Variants in ABTB2 observed in about 807,000 individuals in gnomAD.
The protein encoded by ABTB2 is ankyrin repeat and BTB/POZ domain-containing protein 2.
A neutral mutation model predicts 104.1 loss-of-function variants in ABTB2; 56 were observed. The observed-to-expected ratio is 0.54, with a 90% CI of 0.43 to 0.67. The LOEUF (loss-of-function observed/expected upper bound fraction) is 0.67, where lower values mean the gene tolerates loss of function less well. Among genes scored for constraint, ABTB2 ranks in the 30% least tolerant of loss-of-function variants. The pLI is 0.00. For missense variants in ABTB2, 1,279 were observed against 1,407.7 expected, an observed-to-expected ratio of 0.91 and a Z score of 1.46; for synonymous variants, 606 against 608.2, an observed-to-expected ratio of 1.00 and a Z score of 0.05.
chr11:34,232,435 G>C (rs1312220430), intron 1 of ABTB2, among the ~76,000 whole-genome samples: 2 of 132,644 alleles, frequency 1.5e-5, no homozygotes, highest in East Asian at 4.2e-4. Context: ...GGGCAATAGA[G>C]GGAGACTCTG....
Position 34,356,946 on chromosome 11 carries a change from C to T in ABTB2, c.638G>A (p.Trp213Ter). ...CACGGAGATTCGGGTGTCCACCATC[C>T]AGCGGAAAAAGCGACCCACTGAGAA... ...LTFSVGRFFR[W>*]MVDTRISVRI... Residue 213 changes from tryptophan (W) to a stop codon, truncating the protein, a stop_gained, in exon 1 of 17, where the codon TGG (tryptophan) becomes TAG (stop). Transcript: ENST00000435224. LOFTEE classifies it high-confidence loss of function. The surrounding 1 kb of genome is among the most constrained non-coding windows in gnomAD (Gnocchi z 4.6). The T allele has an allele frequency of 2.5e-6, 4 of 1,600,700 alleles. No homozygotes were observed. Among genetic ancestry groups the T allele is most frequent in the Middle Eastern group, 1.7e-4 (1 of 6,052 alleles).
chr11:34,193,112 G>T (rs1853202077), intron 3 of ABTB2, among the ~76,000 whole-genome samples: 1 of 152,210 alleles, frequency 6.6e-6, no homozygotes, highest in African/African-American at 2.4e-5. Context: ...CCAGATGGTT[G>T]TCCTTTCTCC....
rs528922905 is a variant in ABTB2 at position 34,151,803 on chromosome 11, A to AG, written c.*583dup. 4.9e-3 allele frequency: 748 copies of AG among 152,438 alleles called. 3 individuals carry two copies. Among genetic ancestry groups the AG allele is most frequent in the African/African-American group, 0.014 (562 of 41,330 alleles). 9.4% of individuals were successfully genotyped at this position (152,438 alleles called of 1,614,324 possible). A position where few individuals can be genotyped will look rare whatever the true frequency, so the allele number is the denominator to read the frequency against. On this transcript the variant is annotated 3_prime_UTR_variant, in exon 17 of 17. Coordinates refer to ENST00000435224, the MANE Select transcript of ABTB2 (RefSeq NM_145804.3). Reference sequence around the variant, plus strand: ...TCCGGGTGGCAGCAGTCGTGGTGGCAGGGGGGGGTCCACAGGCCACTGGAT... The same window carrying AG: ...TCCGGGTGGCAGCAGTCGTGGTGGCAGGGGGGGGGTCCACAGGCCACTGGAT...
chr11:34,333,802 G>T (rs1855159305), intron 1 of ABTB2, among the ~76,000 whole-genome samples: 1 of 152,028 alleles, frequency 6.6e-6, no homozygotes, highest in African/African-American at 2.4e-5. Flanking sequence ...AATGCCTCCA[G>T]CTCAAATCAC....
chr11:34,169,148 T>C lies in ABTB2; in HGVS notation c.1564-1156A>G, dbSNP rs183433536. ...AAAATTTGGCTTTGTTTCATCTCCCTGCGGACAGACTTGACTTACTTTTTT... is the reference window on the plus strand; with the variant it reads ...AAAATTTGGCTTTGTTTCATCTCCCCGCGGACAGACTTGACTTACTTTTTT... On this transcript the variant is annotated intron_variant, in intron 5 of 16. Coordinates refer to ENST00000435224, the MANE Select transcript of ABTB2 (RefSeq NM_145804.3). Among the ~76,000 whole-genome samples, 265 of 152,326 alleles carry C rather than the reference T, an allele frequency of 1.7e-3. 2 individuals are homozygous for C. The highest frequency in any genetic ancestry group is 6.8e-3 in the Middle Eastern group (2 of 294).
chr11:34,161,221 C>CAGGAAGGGGGCAGG, intron 10 of ABTB2, 140 bp from the exon 11 acceptor site: 2 of 825,250 alleles, frequency 2.4e-6, no homozygotes, highest in Non-Finnish European at 3.6e-6. Context: ...CCCGCCTGCC[C>CAGGAAGGGGGCAGG]CCTTCCTGGG....
chr11:34,269,206 C>T lies in ABTB2; in HGVS notation c.884-64516G>A, dbSNP rs1403966439. On this transcript the variant is annotated intron_variant, in intron 1 of 16. Transcript: ENST00000435224. Reference sequence around the variant, plus strand: ...GTTGCTAAAAGGGGGATTGGTTTTACAAACGAATGCTGTGGTTTTCATCGG... The same window carrying T: ...GTTGCTAAAAGGGGGATTGGTTTTATAAACGAATGCTGTGGTTTTCATCGG... 2.0e-5 allele frequency among the ~76,000 whole-genome samples: 3 copies of T among 152,300 alleles called. No individual in the cohort carries two copies. The East Asian group carries it at 5.8e-4, about 29-fold the overall frequency.
Position 34,165,291 on chromosome 11 carries a change from C to T in ABTB2, c.1821G>A (p.Ala607=), listed in dbSNP as rs1313520864. ...CAGAGGCCAGCTGCAGGGGCGTCTC[C>T]GCATAGCTGTCCTCGCCGCCGTTCA... ...SAVNGGEDSY[A]ETPLQLASAA... The change falls in exon 8 of 17, where the codon GCG becomes GCA. Residue 607 remains alanine (A), a synonymous_variant. Coordinates refer to ENST00000435224, the MANE Select transcript of ABTB2 (RefSeq NM_145804.3). 5.1e-6 allele frequency: 8 copies of T among 1,567,168 alleles called. No homozygotes were observed. The highest frequency in any genetic ancestry group is 2.3e-5 in the South Asian group (2 of 85,132).
At chr11:34,300,738 G>A (rs1854694712) in intron 1 of ABTB2, among the ~76,000 whole-genome samples, 2 of 152,182 alleles carry the variant, frequency 1.3e-5, no homozygotes, top group Non-Finnish European at 2.9e-5. Flanking sequence ...GGTGCTCGAA[G>A]TCTTGGTACG....
rs137951216 is a variant in ABTB2, at chr11:34,258,370, C to T, written c.884-53680G>A. Among the ~76,000 whole-genome samples, 849 of 152,218 alleles carry T rather than the reference C, an allele frequency of 5.6e-3. 10 individuals are homozygous for T. The highest frequency in any genetic ancestry group is 0.019 in the African/African-American group (788 of 41,530). On this transcript the variant is annotated intron_variant, in intron 1 of 16. Transcript: ENST00000435224. ...AGAGAGGTAAGAGGAGGTACCATCA[C>T]ACCTGTCTTACAGATGAGAAATACC...
intron 1 of ABTB2, among the ~76,000 whole-genome samples, chr11:34,253,553 G>C (rs1425460173): frequency 6.6e-6 from 1 of 152,014 alleles, no homozygotes; most frequent in Non-Finnish European, 1.5e-5. Context: ...GCACACTCTT[G>C]TAATCCCAGC....
chr11:34,352,080 C>T (rs1233345655), intron 1 of ABTB2, among the ~76,000 whole-genome samples: 3 of 152,176 alleles, frequency 2.0e-5, no homozygotes, highest in Admixed American at 1.3e-4. Flanking sequence ...ACCTGACAAG[C>T]TCAATCAACC....
chr11:34,304,472 A>G (rs1854747648), intron 1 of ABTB2, among the ~76,000 whole-genome samples: 1 of 152,166 alleles, frequency 6.6e-6, no homozygotes, highest in Non-Finnish European at 1.5e-5. Flanking sequence ...AAATGAATGG[A>G]TTTAATCTTC....
At chr11:34,193,741 C>T (rs1853211875) in intron 3 of ABTB2, among the ~76,000 whole-genome samples, 1 of 152,218 alleles carries the variant, frequency 6.6e-6, no homozygotes, top group African/African-American at 2.4e-5. Flanking sequence ...GAGCCTAAGG[C>T]ATGGAAGGGC....
intron 10 of ABTB2, 64 bp downstream of exon 10, chr11:34,162,512 G>A: frequency 1.1e-5 from 17 of 1,530,506 alleles, no homozygotes; most frequent in Non-Finnish European, 1.5e-5. Context: ...AAGAGCAGCA[G>A]GGAGTGACCG....
intron 10 of ABTB2, 98 bp from the exon 11 acceptor site, chr11:34,161,179 C>G: frequency 7.7e-7 from 1 of 1,293,440 alleles, no homozygotes; most frequent in Non-Finnish European, 1.0e-6. Flanking sequence ...CGGGATGCCC[C>G]CGCTGTCTGC....
chr11:34,226,362 A>C (rs74388693), intron 1 of ABTB2, among the ~76,000 whole-genome samples: 17 of 152,090 alleles, frequency 1.1e-4, no homozygotes, highest in Non-Finnish European at 2.1e-4. Flanking sequence ...GAGCTCTCCT[A>C]TGGGAATAGA....
intron 1 of ABTB2, among the ~76,000 whole-genome samples, chr11:34,322,868 G>A (rs1329633859): frequency 6.6e-6 from 1 of 152,030 alleles, no homozygotes; most frequent in Non-Finnish European, 1.5e-5. Flanking sequence ...TTGTAGAGAT[G>A]GGGTTTTACC....
rs767806595 is a variant in ABTB2, at chr11:34,154,340, C to G, written c.2805G>C (p.Leu935=). 6.2e-6 allele frequency: 10 copies of G among 1,613,884 alleles called. No homozygotes were observed. The highest frequency in any genetic ancestry group is 1.7e-5 in the Admixed American group (1 of 60,008). The stretch of plus-strand genomic sequence containing the variant: ...AGCACAGGATCTCGCAGTGCCTCTG[C>G]AGGGCATCCAGCTGGAACAGGCTGG... ...SAASLFQLDA[L]QRHCEILCSQ... The change falls in exon 16 of 17, where the codon CTG becomes CTC. Residue 935 remains leucine (L), a synonymous_variant. Transcript: ENST00000435224. This position sits in a 1 kb window ranked among gnomAD's most constrained non-coding sequence, Gnocchi z 4.9.
Sources: allele counts gnomAD v4.1 joint callset (sites outside exome capture counted in the v4.1 genomes callset), GRCh38; gene constraint gnomAD v4.1.1; non-coding constraint Gnocchi (gnomAD v3.1); transcripts MANE v1.5; gene names NCBI Gene and HGNC (gene_info 2026-07-23, HGNC 2026-07-21).